Variants in NAPEPLD observed in about 807,000 individuals in gnomAD.
The protein encoded by NAPEPLD is N-acyl-phosphatidylethanolamine-hydrolyzing phospholipase D.
In NAPEPLD, 23 loss-of-function variants were observed where a neutral mutation model predicts 38.1. The observed-to-expected ratio is 0.60, with a 90% CI of 0.43 to 0.86. The LOEUF is 0.86. NAPEPLD is among the 40% of genes least tolerant of loss of function. The pLI is 0.00. For missense variants in NAPEPLD, 411 were observed against 476.8 expected (o/e 0.86, Z 1.28); for synonymous variants, 147 against 162.0 (o/e 0.91, Z 0.71).
At position 103,139,539 on chromosome 7, in the gene NAPEPLD, A is replaced by G. The variant is rs542954683; in HGVS notation, c.-17+9272T>C. 5.9e-5 allele frequency among the ~76,000 whole-genome samples: 9 copies of G among 152,370 alleles called. No individual in the cohort carries two copies. In the South Asian group the frequency reaches 1.9e-3, roughly 32 times the overall value. On this transcript the variant is annotated intron_variant, in intron 1 of 4. Transcript: ENST00000465647. ...AGAGTCCTGTGATCCAGCAGGTCAG[A>G]GACACTGAAAAGCTCAGAACTTTCT... is the stretch of plus-strand genomic sequence containing the variant.
Position 103,102,765 on chromosome 7 carries a change from G to A in NAPEPLD, c.*664C>T, listed in dbSNP as rs989318234. 1 of 152,480 alleles carries A rather than the reference G, an allele frequency of 6.6e-6. No homozygotes were observed. The highest frequency in any genetic ancestry group is 1.5e-5 in the Non-Finnish European group (1 of 68,030). 9.4% of individuals were successfully genotyped at this position (152,480 alleles called of 1,614,324 possible). Reference sequence around the variant, plus strand: ...GCGAAAGAACTGTACACTTAAAAATGGTTAAAATGGTAAATGTTTAAAATG... The same window carrying A: ...GCGAAAGAACTGTACACTTAAAAATAGTTAAAATGGTAAATGTTTAAAATG... On this transcript the variant is annotated 3_prime_UTR_variant, in exon 5 of 5. Transcript: ENST00000465647.
rs541270585 is a variant in NAPEPLD, at chr7:103,121,328, C to T, written c.295-1105G>A. Among the ~76,000 whole-genome samples the T allele has an allele frequency of 7.2e-4, 110 of 152,278 alleles. 1 individual carries two copies. The South Asian group carries it at 0.022, about 31-fold the overall frequency. ...CATCACAGTCCTGGCTTTTATAAAG[C>T]TCTTTTACTGAATTGTGCTCTGGTA... On this transcript the variant is annotated intron_variant, in intron 2 of 4. Transcript: ENST00000465647.
intron 1 of NAPEPLD, chr7:103,142,012 T>C: frequency 1.6e-6 from 1 of 635,416 alleles, no homozygotes; most frequent in East Asian, 2.6e-5. Flanking sequence ...GGCTACTGAA[T>C]CAAAATGTCA....
At chr7:103,110,222 G>A (rs1486752750) in intron 4 of NAPEPLD, among the ~76,000 whole-genome samples, 1 of 152,086 alleles carries the variant, frequency 6.6e-6, no homozygotes, top group Non-Finnish European at 1.5e-5. Flanking sequence ...CGTTTTATGA[G>A]GCCACCATCA....
At chr7:103,123,607 T>G (rs1355149552) in intron 2 of NAPEPLD, among the ~76,000 whole-genome samples, 2 of 152,308 alleles carry the variant, frequency 1.3e-5, no homozygotes. Context: ...TATGAAGTGC[T>G]TATTATGTGC....
At position 103,103,395 on chromosome 7, in the gene NAPEPLD, C is replaced by A; in HGVS notation, c.*34G>T. 1.3e-6 allele frequency: 2 copies of A among 1,514,260 alleles called. No homozygotes were observed. The highest frequency in any genetic ancestry group is 2.4e-5 in the East Asian group (1 of 41,064). The allele number at this position is 1,514,260 out of a possible 1,614,324, so 93.8% of individuals were successfully genotyped here. Reference sequence around the variant, plus strand: ...CATTTGTTTTTAAACTTAGATGATGCCTTTTTCATTAAAAGTGCCTGTGCT... The same window carrying A: ...CATTTGTTTTTAAACTTAGATGATGACTTTTTCATTAAAAGTGCCTGTGCT... On this transcript the variant is annotated 3_prime_UTR_variant, in exon 5 of 5. Transcript: ENST00000465647.
intron 1 of NAPEPLD, 117 bp from the exon 2 acceptor site, chr7:103,128,909 G>A: frequency 9.2e-7 from 1 of 1,081,380 alleles, no homozygotes; most frequent in Non-Finnish European, 1.3e-6. Context: ...TATTATGTCT[G>A]TATTAGCTGA....
At chr7:103,145,275 A>G (rs377603670) in intron 1 of NAPEPLD, among the ~76,000 whole-genome samples, 1 of 152,202 alleles carries the variant, frequency 6.6e-6, no homozygotes, top group African/African-American at 2.4e-5. Context: ...GAATACCAAA[A>G]AAGTTTATTA....
In NAPEPLD at chr7:103,119,808, C is replaced by T. The variant is rs1806271672; in HGVS notation, c.710G>A (p.Cys237Tyr). The T allele has an allele frequency of 1.9e-6, 3 of 1,614,024 alleles. No homozygotes were observed. Among genetic ancestry groups the T allele is most frequent in the Admixed American group, 3.3e-5 (2 of 59,990 alleles). The change falls in exon 3 of 5, where the codon TGT becomes TAT. Residue 237 changes from cysteine (C) to tyrosine (Y), a missense_variant. Physicochemically the swap from Cys to Tyr is radical, Grantham distance 194. Transcript: ENST00000465647. ...AGTGACCTTATCATGTCCGGGGACA[C>T]AATTCTCCTCCCACCAGTCCAACTC... The part of the protein sequence containing the change: ...VIELDWWEEN[C>Y]VPGHDKVTFV...
At chr7:103,110,752 T>G (rs917263838) in intron 4 of NAPEPLD, among the ~76,000 whole-genome samples, 4 of 152,158 alleles carry the variant, frequency 2.6e-5, no homozygotes, top group African/African-American at 9.6e-5. Context: ...GAGAAAGAAA[T>G]AAAGGGTATT....
chr7:103,102,107 T>G lies in NAPEPLD; in HGVS notation c.*1322A>C, dbSNP rs13232194. ...AGACATCTGAATCAGGTAAAAAAAA[T>G]TATAAATCTGATTGATATATTTAGA... On this transcript the variant is annotated 3_prime_UTR_variant, in exon 5 of 5. Transcript: ENST00000465647. 6.9e-6 allele frequency: 1 copy of G among 145,958 alleles called. No homozygotes were observed. The highest frequency in any genetic ancestry group is 2.6e-5 in the African/African-American group (1 of 37,782). 9.0% of individuals were successfully genotyped at this position (145,958 alleles called of 1,614,324 possible). A position where few individuals can be genotyped will look rare whatever the true frequency, so the allele number is the denominator to read the frequency against.
chr7:103,136,757 C>A (rs116657322), intron 1 of NAPEPLD, among the ~76,000 whole-genome samples: 1 of 152,026 alleles, frequency 6.6e-6, no homozygotes, highest in Non-Finnish European at 1.5e-5. Flanking sequence ...CTTAATTTCA[C>A]GTAACAAGAC....
intron 1 of NAPEPLD, among the ~76,000 whole-genome samples, chr7:103,138,906 G>C (rs890988237): frequency 2.0e-5 from 3 of 152,218 alleles, no homozygotes; most frequent in Admixed American, 2.0e-4. Context: ...CAAAGAGCCA[G>C]CTCAGGCCAC....
chr7:103,138,514 G>A (rs1177941028), intron 1 of NAPEPLD, among the ~76,000 whole-genome samples: 1 of 151,230 alleles, frequency 6.6e-6, no homozygotes, highest in African/African-American at 2.4e-5. Context: ...TGTTGCCCAG[G>A]CTGGAGTCCA....
At chr7:103,138,037 G>A (rs549034542) in intron 1 of NAPEPLD, among the ~76,000 whole-genome samples, 1 of 151,226 alleles carries the variant, frequency 6.6e-6, no homozygotes, top group East Asian at 1.9e-4. Context: ...GAGTGCAATG[G>A]TGCAATCTCG....
chr7:103,115,184 C>T lies in NAPEPLD; in HGVS notation c.942-10G>A, dbSNP rs1411240475. On this transcript the variant is annotated splice_polypyrimidine_tract_variant and intron_variant, in intron 3 of 4. Coordinates refer to ENST00000465647, the MANE Select transcript of NAPEPLD (RefSeq NM_001122838.3). ...GTATTTCATAAACCACCTGAAGAAA[C>T]ATGGCAATTTCTTAATTCTGACCTT... 6.3e-7 allele frequency: 1 copy of T among 1,591,148 alleles called. No homozygotes were observed. Among genetic ancestry groups the T allele is most frequent in the Admixed American group, 1.7e-5 (1 of 58,240 alleles).
At chr7:103,119,290 G>A (rs1406405602) in intron 3 of NAPEPLD, among the ~76,000 whole-genome samples, 2 of 152,062 alleles carry the variant, frequency 1.3e-5, no homozygotes, top group South Asian at 2.1e-4. Context: ...GTGAGATAAT[G>A]CACATGTAAA....
chr7:103,131,971 G>A (rs531238511), intron 1 of NAPEPLD, among the ~76,000 whole-genome samples: 4 of 152,224 alleles, frequency 2.6e-5, no homozygotes, highest in African/African-American at 7.2e-5. Flanking sequence ...AAAATTAGTC[G>A]GGCGTGGTGG....
intron 1 of NAPEPLD, among the ~76,000 whole-genome samples, chr7:103,133,596 C>A (rs971795196): frequency 6.6e-6 from 1 of 152,160 alleles, no homozygotes; most frequent in African/African-American, 2.4e-5. Flanking sequence ...GATAAAATGA[C>A]AGAAAAAGTA....
Sources: gnomAD v4.1 joint callset for allele counts (sites outside exome capture counted in the v4.1 genomes callset) on GRCh38, gnomAD v4.1.1 for gene constraint, MANE v1.5 for transcripts, NCBI Gene and HGNC (gene_info 2026-07-23, HGNC 2026-07-21) for gene names.